NXPE2: variants seen among roughly 807,000 people sequenced by gnomAD.
NXPE2 encodes NXPE family member 2.
In NXPE2, 34 loss-of-function variants were observed where a neutral mutation model predicts 34.4. That is an observed-to-expected ratio of 0.99 (90% confidence interval 0.75 to 1.31). The LOEUF (loss-of-function observed/expected upper bound fraction) is 1.31, where lower values mean the gene tolerates loss of function less well. Among genes scored for constraint, NXPE2 ranks in the 40% most tolerant of loss-of-function variants. The pLI is 0.00. For missense variants in NXPE2, 649 were observed against 672.5 expected, an observed-to-expected ratio of 0.97 and a Z score of 0.39; for synonymous variants, 235 against 231.3, an observed-to-expected ratio of 1.02 and a Z score of -0.15.
At chr11:114,723,408 A>T in the NXPE2 span, among the ~76,000 whole-genome samples, 1 of 152,176 alleles carries the variant, frequency 6.6e-6, no homozygotes, top group East Asian at 1.9e-4. Flanking sequence ...AAGGTGTGGA[A>T]AGTAGAGTTA....
chr11:114,782,633 A>C, the NXPE2 span, among the ~76,000 whole-genome samples: 1 of 152,228 alleles, frequency 6.6e-6, no homozygotes, highest in Non-Finnish European at 1.5e-5. Context: ...CAAATCCCAC[A>C]GTTCCTAGTT....
At chr11:114,633,448 T>C in the NXPE2 span, among the ~76,000 whole-genome samples, 3 of 147,518 alleles carry the variant, frequency 2.0e-5, no homozygotes, top group Admixed American at 6.9e-5. Flanking sequence ...ATACAATGTA[T>C]ATTTTTTCTT....
the NXPE2 span, among the ~76,000 whole-genome samples, chr11:114,609,454 A>G: frequency 6.6e-6 from 1 of 151,830 alleles, no homozygotes; most frequent in Non-Finnish European, 1.5e-5. Flanking sequence ...AACCACTGTT[A>G]CCCAATGGAT....
the NXPE2 span, among the ~76,000 whole-genome samples, chr11:114,644,537 C>A: frequency 5.3e-5 from 8 of 151,832 alleles, no homozygotes; most frequent in African/African-American, 1.9e-4. Flanking sequence ...AGAAAAATAT[C>A]CTATTTGCTA....
At chr11:114,770,015 G>A in the NXPE2 span, among the ~76,000 whole-genome samples, 4 of 152,110 alleles carry the variant, frequency 2.6e-5, no homozygotes, top group Non-Finnish European at 4.4e-5. Flanking sequence ...CCATGAAAGT[G>A]GACAACTACT....
chr11:114,638,845 C>G, the NXPE2 span, among the ~76,000 whole-genome samples: 1 of 151,824 alleles, frequency 6.6e-6, no homozygotes, highest in Non-Finnish European at 1.5e-5. Flanking sequence ...AGTGGAGTAC[C>G]CAGCCGTGTG....
chr11:114,710,756 G>A (rs971434016), downstream of NXPE2, among the ~76,000 whole-genome samples: 1 of 152,064 alleles, frequency 6.6e-6, no homozygotes, highest in African/African-American at 2.4e-5. Flanking sequence ...TATGAGGCAA[G>A]TATTACCCTG....
the NXPE2 span, among the ~76,000 whole-genome samples, chr11:114,712,434 ATAG>A: frequency 1.4e-5 from 2 of 139,498 alleles, no homozygotes; most frequent in Admixed American, 1.6e-4. Flanking sequence ...AAAAAAACAA[ATAG>A]ATTTAAAAAT....
intron 2 of NXPE2, among the ~76,000 whole-genome samples, chr11:114,695,118 G>A (rs1951224598): frequency 6.6e-6 from 1 of 152,088 alleles, no homozygotes; most frequent in Non-Finnish European, 1.5e-5. Flanking sequence ...GTTTACTGTA[G>A]ATATTGTGTC....
At chr11:114,793,678 T>A in the NXPE2 span, among the ~76,000 whole-genome samples, 1 of 152,130 alleles carries the variant, frequency 6.6e-6, no homozygotes, top group Non-Finnish European at 1.5e-5. Context: ...ACTGTCTTTG[T>A]ATGGGTTGGG....
At chr11:114,516,551 A>G in the NXPE2 span, among the ~76,000 whole-genome samples, 45 of 152,288 alleles carry the variant, frequency 3.0e-4, no homozygotes, top group African/African-American at 1.0e-3. Flanking sequence ...ATTTTATTGC[A>G]TAAGTGGAGA....
At chr11:114,707,497 C>A (rs559489091), downstream of NXPE2, 3 of 339,318 alleles carry the variant, frequency 8.8e-6, no homozygotes, top group East Asian at 1.2e-4. Context: ...CGGGTTCAAG[C>A]GATTCTCCTG....
At chr11:114,504,692 A>G in the NXPE2 span, among the ~76,000 whole-genome samples, 1 of 152,138 alleles carries the variant, frequency 6.6e-6, no homozygotes, top group African/African-American at 2.4e-5. Flanking sequence ...TATGCTTTAT[A>G]TCACAATCAG....
chr11:114,795,808 C>T, the NXPE2 span, among the ~76,000 whole-genome samples: 6 of 152,230 alleles, frequency 3.9e-5, no homozygotes, highest in Non-Finnish European at 8.8e-5. Flanking sequence ...TCTGCTCAGC[C>T]AGCCTAGGAC....
chr11:114,783,995 AGCTATGATTAAGTGT>A, the NXPE2 span, among the ~76,000 whole-genome samples: 1 of 152,110 alleles, frequency 6.6e-6, no homozygotes, highest in Non-Finnish European at 1.5e-5. Context: ...AAGGAGAGGG[AGCTATGATTAAGTGT>A]GCCAGGCATG....
At chr11:114,592,351 A>G in the NXPE2 span, among the ~76,000 whole-genome samples, 1 of 152,144 alleles carries the variant, frequency 6.6e-6, no homozygotes, top group Admixed American at 6.6e-5. Context: ...TCAACATAAA[A>G]ACATCAGTAA....
At chr11:114,480,130 A>T in the NXPE2 span, among the ~76,000 whole-genome samples, 4 of 152,132 alleles carry the variant, frequency 2.6e-5, no homozygotes, top group South Asian at 4.1e-4. Context: ...TCACATTTCA[A>T]CATGAAATTT....
At chr11:114,572,762 G>A in the NXPE2 span, among the ~76,000 whole-genome samples, 135 of 152,226 alleles carry the variant, frequency 8.9e-4, no homozygotes, top group African/African-American at 3.0e-3. Context: ...AGGAAGAAGA[G>A]AAATTTAAAA....
the NXPE2 span, among the ~76,000 whole-genome samples, chr11:114,590,922 A>G: frequency 2.6e-5 from 4 of 152,174 alleles, no homozygotes; most frequent in Admixed American, 2.0e-4. Flanking sequence ...TGCTGTTAGA[A>G]GGGTCAGCAG....
Sources: gnomAD v4.1 joint callset for allele counts (sites outside exome capture counted in the v4.1 genomes callset) on GRCh38, gnomAD v4.1.1 for gene constraint, MANE v1.5 for transcripts, NCBI Gene and HGNC (gene_info 2026-07-23, HGNC 2026-07-21) for gene names.